CFAP54: variants seen among roughly 807,000 people sequenced by gnomAD.
CFAP54 encodes the protein cilia and flagella associated protein 54.
In CFAP54, 290 loss-of-function variants were observed where a neutral mutation model predicts 370.4. The observed-to-expected ratio is 0.78, with a 90% CI of 0.71 to 0.86. CFAP54 has a LOEUF of 0.86. CFAP54 is among the 40% of genes least tolerant of loss of function. The probability of loss-of-function intolerance (pLI) is 0.00; values close to 1 mark genes in which losing one functional copy is unlikely to be tolerated. For missense variants in CFAP54, 3,399 were observed against 3,528.7 expected (o/e 0.96, Z 0.93); for synonymous variants, 1,206 against 1,236.5 (o/e 0.98, Z 0.52).
intron 63 of CFAP54, among the ~76,000 whole-genome samples, chr12:96,797,073 C>T (rs373466895): frequency 1.4e-4 from 22 of 152,066 alleles, no homozygotes; most frequent in South Asian, 2.1e-4. Context: ...ATTTTCATTA[C>T]GATTTCTCCT....
chr12:96,507,963 G>A (rs1361310848), intron 4 of CFAP54, among the ~76,000 whole-genome samples: 5 of 152,012 alleles, frequency 3.3e-5, no homozygotes, highest in African/African-American at 4.8e-5. Context: ...TGTTACCTGC[G>A]CCACCACTGC....
chr12:96,642,919 A>G (rs12230615), intron 32 of CFAP54, among the ~76,000 whole-genome samples: 13,272 of 152,026 alleles, frequency 0.087, 952 homozygotes, highest in East Asian at 0.44. Flanking sequence ...CTGGATGTGA[A>G]TTCCCTTCTG....
intron 58 of CFAP54, among the ~76,000 whole-genome samples, chr12:96,762,701 C>T (rs1368587225): frequency 1.3e-5 from 2 of 152,122 alleles, no homozygotes; most frequent in Non-Finnish European, 2.9e-5. Flanking sequence ...AGATAAATTG[C>T]CCATGCTTAT....
rs769024966 is a variant in CFAP54, at chr12:96,658,216, G to A, written c.5330G>A (p.Arg1777Lys). 6.2e-7 allele frequency: 1 copy of A among 1,613,832 alleles called. No individual in the cohort carries two copies. The highest frequency in any genetic ancestry group is 8.5e-7 in the Non-Finnish European group (1 of 1,179,952). Residue 1777 changes from arginine (R) to lysine (K), a missense_variant, in exon 38 of 68, where the codon AGG becomes AAG. Transcript: ENST00000524981. ...TATTCTTTACCCCTGTCTAGTGAGA[G>A]GTATACAGAACAAGTGACACCACTT... The part of the protein sequence containing the change: ...AIQFNTVSHE[R>K]YTEQVTPLLV...
intron 1 of CFAP54, among the ~76,000 whole-genome samples, 200 bp downstream of exon 1, chr12:96,490,126 C>T (rs1954863256): frequency 6.6e-6 from 1 of 152,148 alleles, no homozygotes; most frequent in African/African-American, 2.4e-5. Flanking sequence ...GCTGTTATAT[C>T]TTGGCTTCCT....
intron 63 of CFAP54, among the ~76,000 whole-genome samples, chr12:96,809,800 G>A (rs143208968): frequency 1.2e-3 from 180 of 152,278 alleles, no homozygotes; most frequent in African/African-American, 4.1e-3. Flanking sequence ...TTCAGCACCT[G>A]TAGGTCTTTT....
chr12:96,682,728 T>G (rs1239574186), intron 40 of CFAP54, among the ~76,000 whole-genome samples: 2 of 152,032 alleles, frequency 1.3e-5, no homozygotes, highest in Non-Finnish European at 2.9e-5. Context: ...CATCTGGTCC[T>G]GAAATCTTAC....
chr12:96,802,145 A>G (rs920896136), intron 63 of CFAP54, among the ~76,000 whole-genome samples: 3 of 152,040 alleles, frequency 2.0e-5, no homozygotes, highest in African/African-American at 7.2e-5. Flanking sequence ...CTGACCAAGG[A>G]GGGACAAGAA....
intron 66 of CFAP54, among the ~76,000 whole-genome samples, chr12:96,832,195 C>T (rs1592794951): frequency 6.6e-6 from 1 of 151,838 alleles, no homozygotes; most frequent in Non-Finnish European, 1.5e-5. Flanking sequence ...ATGACTTGCT[C>T]CTCCTTGCCT....
intron 9 of CFAP54, among the ~76,000 whole-genome samples, chr12:96,533,493 T>TTCC (rs1242210050): frequency 2.0e-5 from 3 of 152,200 alleles, no homozygotes; most frequent in Non-Finnish European, 4.4e-5. Flanking sequence ...CTTTCCCAAG[T>TTCC]TTCCAACCTG....
At chr12:96,565,228 GTTGATTT>G (rs1955855340) in intron 19 of CFAP54, 1 of 152,412 alleles carries the variant, frequency 6.6e-6, no homozygotes, top group South Asian at 2.1e-4. Context: ...TTCATTATAT[GTTGATTT>G]TATGTGTTTA....
chr12:96,616,265 A>G (rs534184317), intron 26 of CFAP54, among the ~76,000 whole-genome samples: 13 of 152,294 alleles, frequency 8.5e-5, no homozygotes, highest in Non-Finnish European at 4.4e-5. Context: ...CCCAAAGACA[A>G]AAAACCAAAC....
chr12:96,508,546 A>T (rs1490715249), intron 4 of CFAP54, among the ~76,000 whole-genome samples: 1 of 150,934 alleles, frequency 6.6e-6, no homozygotes, highest in East Asian at 1.9e-4. Context: ...TCCACCTCCC[A>T]AAGTGCTGGA....
At chr12:96,811,704 C>T in intron 63 of CFAP54, 32 bp from the exon 64 acceptor site, 1 of 1,166,722 alleles carries the variant, frequency 8.6e-7, no homozygotes, top group Middle Eastern at 2.1e-4. Flanking sequence ...ATTTTGATGT[C>T]ACATTTTATA....
chr12:96,569,689 A>G (rs1437651679), intron 19 of CFAP54, among the ~76,000 whole-genome samples: 15 of 152,338 alleles, frequency 9.8e-5, no homozygotes, highest in African/African-American at 3.6e-4. Flanking sequence ...GCAAAGGAGC[A>G]TTATGATTTA....
chr12:96,506,001 G>A (rs1368153745), intron 3 of CFAP54, among the ~76,000 whole-genome samples: 1 of 152,096 alleles, frequency 6.6e-6, no homozygotes, highest in Non-Finnish European at 1.5e-5. Context: ...AATCACATCT[G>A]AATTAATAAA....
At chr12:96,630,068 T>C in intron 30 of CFAP54, 25 bp from the exon 31 acceptor site, 1 of 1,273,652 alleles carries the variant, frequency 7.9e-7, no homozygotes, top group Non-Finnish European at 1.1e-6. Context: ...CAGGTCTTTT[T>C]GACTGACTTT....
chr12:96,518,458 G>A (rs779979051), intron 5 of CFAP54, among the ~76,000 whole-genome samples: 4 of 152,260 alleles, frequency 2.6e-5, no homozygotes, highest in East Asian at 1.9e-4. Context: ...AGGCCGAGGC[G>A]GGTGGATCAC....
chr12:96,866,577 G>C lies in CFAP54; in HGVS notation c.*14+5625G>C, dbSNP rs183654972. Among the ~76,000 whole-genome samples the C allele has an allele frequency of 3.8e-3, 585 of 152,170 alleles. 1 individual carries two copies. Among genetic ancestry groups the C allele is most frequent in the Non-Finnish European group, 6.5e-3 (445 of 67,966 alleles). ...CCACCCTGAACCATCCCTTTAAATTGTACATGATGTGAAAACTGAGTAGAT... is the reference window on the plus strand; with the variant it reads ...CCACCCTGAACCATCCCTTTAAATTCTACATGATGTGAAAACTGAGTAGAT... On this transcript the variant is annotated intron_variant, in intron 67 of 67. Transcript: ENST00000524981.
Sources: allele counts gnomAD v4.1 joint callset (sites outside exome capture counted in the v4.1 genomes callset), GRCh38; gene constraint gnomAD v4.1.1; transcripts MANE v1.5; gene names NCBI Gene and HGNC (gene_info 2026-07-23, HGNC 2026-07-21).